The following NCKAP5 variants were observed in gnomAD, a reference collection of about 807,000 sequenced individuals.
NCKAP5 encodes the protein NCK associated protein 5, also known as nck-associated protein 5.
In NCKAP5, 92 loss-of-function variants were observed where a neutral mutation model predicts 167.0. The observed-to-expected ratio is 0.55, with a 90% CI of 0.47 to 0.66. The LOEUF is 0.66. Among genes scored for constraint, NCKAP5 ranks in the 30% least tolerant of loss-of-function variants. The pLI, the probability that NCKAP5 is intolerant of heterozygous loss-of-function variation, is 0.00. For synonymous variants in NCKAP5, 891 were observed against 877.4 expected (o/e 1.02, Z -0.27); for missense variants, 2,378 against 2,315.0 (o/e 1.03, Z -0.56).
chr2:133,149,542 G>T (rs1574189559), intron 5 of NCKAP5, among the ~76,000 whole-genome samples: 1 of 151,858 alleles, frequency 6.6e-6, no homozygotes, highest in Admixed American at 6.6e-5. Flanking sequence ...ACCTATCTTG[G>T]ACCAATTAAT....
At chr2:133,645,576 A>G in the NCKAP5 span, among the ~76,000 whole-genome samples, 5 of 152,296 alleles carry the variant, frequency 3.3e-5, no homozygotes, top group Admixed American at 1.3e-4. Flanking sequence ...CATTTCATTT[A>G]TTTGTGTTTT....
At chr2:132,684,176 G>T (rs754129234) in intron 19 of NCKAP5, among the ~76,000 whole-genome samples, 7 of 152,218 alleles carry the variant, frequency 4.6e-5, no homozygotes, top group Non-Finnish European at 7.3e-5. Context: ...TTAAATTAAT[G>T]TAGAAGTGAA....
intron 5 of NCKAP5, among the ~76,000 whole-genome samples, chr2:133,191,290 T>C (rs542562888): frequency 6.6e-6 from 1 of 152,222 alleles, no homozygotes; most frequent in African/African-American, 2.4e-5. Context: ...CTGGAGAGGA[T>C]GTGGAGAAAT....
At chr2:132,808,121 G>A (rs1328588536) in intron 11 of NCKAP5, among the ~76,000 whole-genome samples, 1 of 151,906 alleles carries the variant, frequency 6.6e-6, no homozygotes, top group Non-Finnish European at 1.5e-5. Context: ...TGATCATGGT[G>A]GTTTATCTTT....
chr2:133,321,412 C>A (rs561268033), intron 3 of NCKAP5, among the ~76,000 whole-genome samples: 67 of 152,290 alleles, frequency 4.4e-4, no homozygotes, highest in Non-Finnish European at 8.4e-4. Flanking sequence ...GAAGACTGCA[C>A]CTGAACATTC....
intron 3 of NCKAP5, among the ~76,000 whole-genome samples, chr2:133,310,175 A>G (rs1681131182): frequency 6.6e-6 from 1 of 152,250 alleles, no homozygotes; most frequent in Non-Finnish European, 1.5e-5. Context: ...TTTGGGAACT[A>G]TACAGACAAG....
chr2:132,768,924 C>T (rs1681771159), intron 16 of NCKAP5, among the ~76,000 whole-genome samples: 1 of 148,876 alleles, frequency 6.7e-6, no homozygotes, highest in South Asian at 2.1e-4. Flanking sequence ...CAGGTGTGAG[C>T]CACCACACCT....
chr2:133,455,459 GATATAT>G (rs941524793), intron 3 of NCKAP5, among the ~76,000 whole-genome samples: 1 of 151,894 alleles, frequency 6.6e-6, no homozygotes, highest in Non-Finnish European at 1.5e-5. Flanking sequence ...CTGGGCCCTA[GATATAT>G]ATATCATCCA....
intron 19 of NCKAP5, among the ~76,000 whole-genome samples, chr2:132,718,631 C>A (rs2105371186): frequency 6.6e-6 from 1 of 152,278 alleles, no homozygotes; most frequent in East Asian, 1.9e-4. Context: ...CTAGCAGTGT[C>A]CTCAAAGAAG....
intron 4 of NCKAP5, among the ~76,000 whole-genome samples, chr2:133,259,154 G>T (rs2088781057): frequency 6.6e-6 from 1 of 152,036 alleles, no homozygotes; most frequent in Admixed American, 6.6e-5. Context: ...TCCCACTGGG[G>T]TCAGCTGATA....
At chr2:132,773,531 T>C (rs901971379) in intron 16 of NCKAP5, among the ~76,000 whole-genome samples, 16 of 152,242 alleles carry the variant, frequency 1.1e-4, no homozygotes, top group Non-Finnish European at 2.2e-4. Flanking sequence ...GAGATAATTA[T>C]AGAAACTGGA....
In NCKAP5 at chr2:132,815,238, AATGAG is replaced by A. The variant is rs567053865; in HGVS notation, c.808-18514_808-18510del. On this transcript the variant is annotated intron_variant, in intron 11 of 19. Coordinates refer to ENST00000409261, the MANE Select transcript of NCKAP5 (RefSeq NM_207363.3). ...ATTTGCAACCTCGGAGAATACCAAA[AATGAG>A]TTCTTATTTTTCAGAGAAATTGGTT... Among the ~76,000 whole-genome samples the A allele has an allele frequency of 1.4e-3, 215 of 152,278 alleles. 1 individual carries two copies. The highest frequency in any genetic ancestry group is 4.9e-3 in the African/African-American group (204 of 41,554).
chr2:133,652,891 G>T, the NCKAP5 span, among the ~76,000 whole-genome samples: 1 of 152,158 alleles, frequency 6.6e-6, no homozygotes, highest in Non-Finnish European at 1.5e-5. Flanking sequence ...TTCTATCCCG[G>T]TAGATCGATT....
At chr2:133,331,389 C>T (rs1239055107) in intron 3 of NCKAP5, among the ~76,000 whole-genome samples, 2 of 152,152 alleles carry the variant, frequency 1.3e-5, no homozygotes, top group Non-Finnish European at 2.9e-5. Flanking sequence ...ATAAATCTGT[C>T]AATTAGCATT....
At chr2:133,441,892 C>T (rs1177361202) in intron 3 of NCKAP5, among the ~76,000 whole-genome samples, 2 of 152,146 alleles carry the variant, frequency 1.3e-5, no homozygotes, top group African/African-American at 2.4e-5. Flanking sequence ...GTATCAGTTT[C>T]GCTCTTTCAG....
Position 133,424,965 on chromosome 2 carries a change from G to A in NCKAP5, c.69+92493C>T, listed in dbSNP as rs116165127. Among the ~76,000 whole-genome samples the A allele has an allele frequency of 9.1e-3, 1,392 of 152,326 alleles. 17 individuals carry two copies. The highest frequency in any genetic ancestry group is 0.031 in the African/African-American group (1,309 of 41,574). ...GGCATTGTTGTAATTGATGTTTTCT[G>A]GGCCTTGTGAATTTTAACTTCAGAG... is the stretch of plus-strand genomic sequence containing the variant. On this transcript the variant is annotated intron_variant, in intron 3 of 19. Transcript: ENST00000409261.
chr2:132,820,258 C>G (rs1343461152), intron 11 of NCKAP5, among the ~76,000 whole-genome samples: 1 of 151,214 alleles, frequency 6.6e-6, no homozygotes, highest in Non-Finnish European at 1.5e-5. Context: ...GAGACAGAGT[C>G]TCACTCTGTG....
chr2:132,888,699 A>G (rs1692447689), intron 8 of NCKAP5, among the ~76,000 whole-genome samples: 1 of 152,178 alleles, frequency 6.6e-6, no homozygotes. Flanking sequence ...CCCAGTGTGT[A>G]TATTTTCAAA....
At chr2:133,618,136 C>T in the NCKAP5 span, among the ~76,000 whole-genome samples, 3 of 151,606 alleles carry the variant, frequency 2.0e-5, no homozygotes, top group Non-Finnish European at 2.9e-5. Flanking sequence ...TTCCTTACAC[C>T]TTATACAAAA....
Sources: allele counts gnomAD v4.1 joint callset (sites outside exome capture counted in the v4.1 genomes callset), GRCh38; gene constraint gnomAD v4.1.1; transcripts MANE v1.5; gene names NCBI Gene and HGNC (gene_info 2026-07-23, HGNC 2026-07-21).